Variants in RBPJ observed in about 807,000 individuals in gnomAD.
The protein encoded by RBPJ is recombining binding protein suppressor of hairless.
In RBPJ, 9 loss-of-function variants were observed where a neutral mutation model predicts 67.8. The ratio of observed to expected loss-of-function variants is 0.13; its 90% confidence interval spans 0.08 to 0.23. RBPJ has a LOEUF of 0.23. Ranked by LOEUF, RBPJ falls within the 10% of genes least tolerant of loss-of-function variation. The pLI is 1.00. For synonymous variants in RBPJ, 198 were observed against 203.3 expected (o/e 0.97, Z 0.22); for missense variants, 305 against 595.6 (o/e 0.51, Z 5.08).
intron 1 of RBPJ, among the ~76,000 whole-genome samples, chr4:26,366,655 C>T (rs899101923): frequency 6.6e-6 from 1 of 151,990 alleles, no homozygotes; most frequent in Admixed American, 6.5e-5. Flanking sequence ...CTCCTGAAAT[C>T]GTGATCTGCC....
chr4:26,156,276 C>A, the RBPJ span, among the ~76,000 whole-genome samples: 2 of 152,136 alleles, frequency 1.3e-5, no homozygotes, highest in Non-Finnish European at 2.9e-5. Flanking sequence ...GCAAGAATTA[C>A]ATTTCAAAAC....
chr4:26,293,367 C>T lies in RBPJ; in HGVS notation c.-166-69079C>T, dbSNP rs765117001. Among the ~76,000 whole-genome samples, 10 of 149,992 alleles carry T rather than the reference C, an allele frequency of 6.7e-5. 1 individual carries two copies. Among genetic ancestry groups the T allele is most frequent in the Non-Finnish European group, 1.3e-4 (9 of 67,386 alleles). Reference sequence around the variant, plus strand: ...GCACAGAGTCAGCTTGGCATGATGGCTCACACCTGTAATCCCAGCACTTTG... The same window carrying T: ...GCACAGAGTCAGCTTGGCATGATGGTTCACACCTGTAATCCCAGCACTTTG... On this transcript the variant is annotated intron_variant, in intron 1 of 4. Transcript: ENST00000512351.
chr4:26,347,260 G>A (rs866997894), intron 1 of RBPJ, among the ~76,000 whole-genome samples: 3 of 152,284 alleles, frequency 2.0e-5, no homozygotes, highest in Middle Eastern at 3.4e-3. Context: ...AGAGGTCAGG[G>A]TCGGAAATGT....
chr4:26,365,322 T>C (rs1044054248), intron 1 of RBPJ, among the ~76,000 whole-genome samples: 1 of 152,136 alleles, frequency 6.6e-6, no homozygotes, highest in African/African-American at 2.4e-5. Context: ...TTTGGGCTTT[T>C]TCTCATCAGT....
intron 1 of RBPJ, among the ~76,000 whole-genome samples, chr4:26,295,738 C>T (rs1335657878): frequency 6.6e-6 from 1 of 152,080 alleles, no homozygotes; most frequent in African/African-American, 2.4e-5. Context: ...TGGATGAGGG[C>T]CGTTAATTGT....
chr4:26,398,093 T>A (rs997894795), intron 2 of RBPJ, among the ~76,000 whole-genome samples: 7 of 148,836 alleles, frequency 4.7e-5, no homozygotes, highest in African/African-American at 1.7e-4. Context: ...TGTGTGTGTG[T>A]GATTACTTTG....
chr4:26,149,512 A>G, the RBPJ span, among the ~76,000 whole-genome samples: 1 of 152,210 alleles, frequency 6.6e-6, no homozygotes, highest in African/African-American at 2.4e-5. Flanking sequence ...TTGATCCCCA[A>G]TGTGGTGGTA....
chr4:26,296,558 T>C (rs1721881651), intron 1 of RBPJ, among the ~76,000 whole-genome samples: 1 of 152,254 alleles, frequency 6.6e-6, no homozygotes, highest in African/African-American at 2.4e-5. Context: ...GGTTGGCATA[T>C]ATGACTATTA....
Position 26,433,962 on chromosome 4 carries a change from T to G in RBPJ, c.*2955T>G, listed in dbSNP as rs1736459231. 6.6e-6 allele frequency: 1 copy of G among 152,210 alleles called. No individual in the cohort carries two copies. Among genetic ancestry groups the G allele is most frequent in the Non-Finnish European group, 1.5e-5 (1 of 68,028 alleles). The allele number at this position is 152,210 out of a possible 1,614,324, so 9.4% of individuals were successfully genotyped here. A position where few individuals can be genotyped will look rare whatever the true frequency, so the allele number is the denominator to read the frequency against. On this transcript the variant is annotated 3_prime_UTR_variant, in exon 11 of 11. Transcript: ENST00000355476. ...AAAAATTCTGTTTTAGAAATGTATC[T>G]TATGCTCTCATGACTATGCAGTTTC...
At chr4:26,322,215 G>C (rs1723161346) in intron 1 of RBPJ, 1 of 152,178 alleles carries the variant, frequency 6.6e-6, no homozygotes, top group Non-Finnish European at 1.5e-5. Context: ...ACGGTTAGAA[G>C]GAGGCTCAAG....
intron 3 of RBPJ, among the ~76,000 whole-genome samples, chr4:26,409,036 T>G (rs1024466158): frequency 1.2e-4 from 18 of 152,264 alleles, no homozygotes; most frequent in African/African-American, 4.3e-4. Context: ...GCTGCTTTTC[T>G]TTTCTCTGGA....
rs373278519 is a variant in RBPJ, at chr4:26,399,416, C to A, written c.60-6759C>A. On this transcript the variant is annotated intron_variant, in intron 2 of 10. Transcript: ENST00000355476. ...CTTTTTTTGCAGACTCCCATTGCCT[C>A]CATTGGCATAACTAGTAAAAGTAGA... Among the ~76,000 whole-genome samples, 10 of 152,268 alleles carry A rather than the reference C, an allele frequency of 6.6e-5. No individual in the cohort carries two copies. In the East Asian group the frequency reaches 1.4e-3, roughly 21 times the overall value.
chr4:26,125,529 T>C, the RBPJ span, among the ~76,000 whole-genome samples: 3 of 152,184 alleles, frequency 2.0e-5, no homozygotes, highest in Non-Finnish European at 4.4e-5. Flanking sequence ...TCAGGTGCAA[T>C]GGCTCACACC....
chr4:26,404,050 A>G (rs1168907467), intron 2 of RBPJ, among the ~76,000 whole-genome samples: 1 of 151,938 alleles, frequency 6.6e-6, no homozygotes, highest in Non-Finnish European at 1.5e-5. Context: ...AGCATCTGCT[A>G]TTTTAGTAAT....
At chr4:26,270,986 A>G (rs540273865) in intron 1 of RBPJ, among the ~76,000 whole-genome samples, 9 of 152,296 alleles carry the variant, frequency 5.9e-5, no homozygotes, top group Admixed American at 3.9e-4. Context: ...AAAAAACCAT[A>G]TTCATACAAC....
chr4:26,116,350 A>G, the RBPJ span, among the ~76,000 whole-genome samples: 2 of 152,266 alleles, frequency 1.3e-5, no homozygotes, highest in Non-Finnish European at 2.9e-5. Context: ...GAAAAACCAG[A>G]AAAAGAAAAT....
Position 26,264,001 on chromosome 4 carries a change from A to T in RBPJ, c.-166-98445A>T, listed in dbSNP as rs1267270865. Among the ~76,000 whole-genome samples, 3 of 151,838 alleles carry T rather than the reference A, an allele frequency of 2.0e-5. No individual in the cohort carries two copies. The highest frequency in any genetic ancestry group is 2.9e-5 in the Non-Finnish European group (2 of 67,994). ...GCGATTCTCCTGTCTCAGCCTCCTGAGTAGCTGGGACTACAGACGTGTGCC... is the reference window on the plus strand; with the variant it reads ...GCGATTCTCCTGTCTCAGCCTCCTGTGTAGCTGGGACTACAGACGTGTGCC... On this transcript the variant is annotated intron_variant, in intron 1 of 4. Transcript: ENST00000512351. The surrounding 1 kb of genome is among the most constrained non-coding windows in gnomAD (Gnocchi z 4.1).
chr4:26,302,960 C>T (rs1722118401), intron 1 of RBPJ, among the ~76,000 whole-genome samples: 1 of 151,968 alleles, frequency 6.6e-6, no homozygotes, highest in Non-Finnish European at 1.5e-5. Flanking sequence ...GTAGGCAGAT[C>T]ACTTGAGGCC....
At chr4:26,425,285 A>G (rs878968772) in intron 7 of RBPJ, among the ~76,000 whole-genome samples, 6 of 152,162 alleles carry the variant, frequency 3.9e-5, no homozygotes, top group Admixed American at 2.0e-4. Context: ...CTTTTGTTCA[A>G]TAGAAGACAT....
Sources: gnomAD v4.1 joint callset for allele counts (sites outside exome capture counted in the v4.1 genomes callset) on GRCh38, gnomAD v4.1.1 for gene constraint, Gnocchi (gnomAD v3.1) non-coding constraint, MANE v1.5 for transcripts, NCBI Gene and HGNC (gene_info 2026-07-23, HGNC 2026-07-21) for gene names.